Variants in TEC observed in about 807,000 individuals in gnomAD.
The protein encoded by TEC is tyrosine-protein kinase Tec.
Under a neutral mutation model 93.0 loss-of-function variants are expected in TEC, and 72 were observed. The observed-to-expected ratio is 0.77, with a 90% CI of 0.64 to 0.94. TEC has a LOEUF of 0.94. Among genes scored for constraint, TEC ranks in the 40% least tolerant of loss-of-function variants. TEC has a pLI of 0.00. For synonymous variants in TEC, 249 were observed against 247.7 expected, an observed-to-expected ratio of 1.01 and a Z score of -0.05; for missense variants, 630 against 757.9, an observed-to-expected ratio of 0.83 and a Z score of 1.98.
chr4:48,136,345 G>C lies in TEC; in HGVS notation c.*1071C>G, dbSNP rs1473132343. The stretch of plus-strand genomic sequence containing the variant: ...CCGGGAGGCACGGAACACCATGCTG[G>C]CTGCTTCTCTCCGTAGCTTCCTGGA... On this transcript the variant is annotated 3_prime_UTR_variant, in exon 18 of 18. Transcript: ENST00000381501. 1.3e-5 allele frequency: 2 copies of C among 152,188 alleles called. No homozygotes were observed. The highest frequency in any genetic ancestry group is 2.4e-5 in the African/African-American group (1 of 41,420). The allele number at this position is 152,188 out of a possible 1,614,324, so 9.4% of individuals were successfully genotyped here. A position where few individuals can be genotyped will look rare whatever the true frequency, so the allele number is the denominator to read the frequency against.
At chr4:48,170,476 A>G in intron 4 of TEC, 100 bp from the exon 5 acceptor site, 2 of 831,560 alleles carry the variant, frequency 2.4e-6, no homozygotes, top group Non-Finnish European at 3.6e-6. Context: ...CTTGGACACT[A>G]TGTTTACTAT....
chr4:48,220,615 G>A (rs918984646), intron 2 of TEC, among the ~76,000 whole-genome samples: 7 of 152,128 alleles, frequency 4.6e-5, no homozygotes, highest in African/African-American at 1.7e-4. Context: ...TGTACAGGCT[G>A]CAGAACAGTG....
rs145948041 is a variant in TEC, at chr4:48,219,903, C to T, written c.138+8574G>A. Among the ~76,000 whole-genome samples, 11 of 152,094 alleles carry T rather than the reference C, an allele frequency of 7.2e-5. No individual in the cohort carries two copies. The East Asian group carries it at 7.8e-4, about 11-fold the overall frequency. ...TATTACAATCTCTTGTCTCCACACA[C>T]GGGGAGAACACTCGCTAAGCCCCAT... is the stretch of plus-strand genomic sequence containing the variant. On this transcript the variant is annotated intron_variant, in intron 2 of 17. Transcript: ENST00000381501.
intron 2 of TEC, among the ~76,000 whole-genome samples, chr4:48,211,757 T>TCC (rs1722907409): frequency 1.3e-5 from 2 of 152,174 alleles, no homozygotes; most frequent in Non-Finnish European, 2.9e-5. Flanking sequence ...ACTTTAAAGT[T>TCC]CTTGAGCCTT....
At chr4:48,179,376 ATTTTTTTTT>A (rs1159156668) in intron 2 of TEC, among the ~76,000 whole-genome samples, 2 of 21,164 alleles carry the variant, frequency 9.5e-5, no homozygotes, top group Non-Finnish European at 1.7e-4. Context: ...ATATATATAT[ATTTTTTTTT>A]TTTTTTTTTT....
At chr4:48,232,512 T>G (rs542669529) in intron 1 of TEC, among the ~76,000 whole-genome samples, 2 of 152,302 alleles carry the variant, frequency 1.3e-5, no homozygotes, top group African/African-American at 4.8e-5. Flanking sequence ...TTCCCTATCC[T>G]TCTATCCCAT....
chr4:48,159,102 A>G (rs911658242), intron 8 of TEC, among the ~76,000 whole-genome samples: 1 of 151,928 alleles, frequency 6.6e-6, no homozygotes, highest in African/African-American at 2.4e-5. Context: ...AAAAAAGACA[A>G]CAAAGGCTCC....
intron 1 of TEC, among the ~76,000 whole-genome samples, chr4:48,237,157 C>T (rs1237645740): frequency 6.6e-6 from 1 of 151,936 alleles, no homozygotes; most frequent in Non-Finnish European, 1.5e-5. Flanking sequence ...ATGGCAAAAC[C>T]CTATCTCTAC....
intron 2 of TEC, among the ~76,000 whole-genome samples, chr4:48,206,369 T>C (rs948199537): frequency 1.7e-4 from 26 of 152,118 alleles, no homozygotes; most frequent in African/African-American, 5.8e-4. Flanking sequence ...AAAAGAGATA[T>C]TAAGAGAGTT....
At chr4:48,223,767 C>T (rs1194827465) in intron 2 of TEC, among the ~76,000 whole-genome samples, 2 of 152,208 alleles carry the variant, frequency 1.3e-5, no homozygotes, top group Non-Finnish European at 2.9e-5. Flanking sequence ...CTATTACCAA[C>T]ACTGATGAGG....
intron 16 of TEC, 32 bp from the exon 17 acceptor site, chr4:48,138,854 T>C (rs1200020958): frequency 5.0e-6 from 8 of 1,613,542 alleles, no homozygotes; most frequent in African/African-American, 1.3e-5. Flanking sequence ...CAAATGGATG[T>C]ATCCACTTTC....
intron 1 of TEC, among the ~76,000 whole-genome samples, chr4:48,256,243 G>A (rs191848072): frequency 1.3e-5 from 2 of 151,994 alleles, no homozygotes; most frequent in South Asian, 2.1e-4. Flanking sequence ...ACCAGAATGC[G>A]AGGAAGAGAC....
Position 48,171,387 on chromosome 4 carries a change from C to T in TEC, c.306G>A (p.Trp102Ter), listed in dbSNP as rs1721104907. The T allele has an allele frequency of 6.2e-7, 1 of 1,613,212 alleles. No homozygotes were observed. Among genetic ancestry groups the T allele is most frequent in the Admixed American group, 1.7e-5 (1 of 59,830 alleles). Reference protein sequence around the residue: ...FAPSPQSRDLWVKKLKEEIKN... With the variant: ...FAPSPQSRDL ...TTTTACCTTCTTTTAACTTCTTCAC[C>T]CACAGGTCCCTGCTTTGTGGACTAG... is the stretch of plus-strand genomic sequence containing the variant. The change falls in exon 4 of 18, where the codon TGG becomes TGA. Residue 102 changes from tryptophan to a stop codon, truncating the protein, a stop_gained. Transcript: ENST00000381501. LOFTEE classifies it high-confidence loss of function.
chr4:48,262,563 G>A (rs1577677701), intron 1 of TEC, among the ~76,000 whole-genome samples: 1 of 152,028 alleles, frequency 6.6e-6, no homozygotes, highest in Non-Finnish European at 1.5e-5. Flanking sequence ...AGTATATTAA[G>A]TACTTGCTTG....
At chr4:48,148,205 A>C (rs1369180800) in intron 11 of TEC, among the ~76,000 whole-genome samples, 1 of 152,164 alleles carries the variant, frequency 6.6e-6, no homozygotes, top group African/African-American at 2.4e-5. Context: ...TATACTAAAA[A>C]CCACTGAATT....
At chr4:48,149,777 G>T in intron 10 of TEC, 87 bp from the exon 11 acceptor site, 2 of 1,353,692 alleles carry the variant, frequency 1.5e-6, no homozygotes, top group Non-Finnish European at 2.0e-6. Flanking sequence ...CAACCACAGT[G>T]TCTCTCCATA....
intron 10 of TEC, 106 bp from the exon 11 acceptor site, chr4:48,149,796 TC>T: frequency 9.0e-7 from 1 of 1,110,048 alleles, no homozygotes; most frequent in Non-Finnish European, 1.2e-6. Context: ...TATGATCCCA[TC>T]TATTCCTGGC....
At position 48,167,817 on chromosome 4, in the gene TEC, T is replaced by C; in HGVS notation, c.632A>G (p.Lys211Arg). Reference sequence around the variant, plus strand: ...TGCTCTCCACCAATGAACATCATTCTTTTCTAAAATGAGATACTCTTGGCC... The same window carrying C: ...TGCTCTCCACCAATGAACATCATTCCTTTCTAAAATGAGATACTCTTGGCC... ...ERGQEYLILE[K>R]NDVHWWRARD... The change falls in exon 7 of 18, where the codon AAG becomes AGG. Residue 211 changes from lysine (K) to arginine (R), a missense_variant. Transcript: ENST00000381501. 1 of 1,613,896 alleles carries C rather than the reference T, an allele frequency of 6.2e-7. No individual in the cohort carries two copies. The highest frequency in any genetic ancestry group is 8.5e-7 in the Non-Finnish European group (1 of 1,179,850).
intron 1 of TEC, among the ~76,000 whole-genome samples, chr4:48,262,199 C>CTTTTTTTTT (rs1560428919): frequency 6.4e-5 from 1 of 15,688 alleles, no homozygotes. Context: ...GACCAAATGT[C>CTTTTTTTTT]TCTTTTTTTT....
Sources: allele counts gnomAD v4.1 joint callset (sites outside exome capture counted in the v4.1 genomes callset), GRCh38; gene constraint gnomAD v4.1.1; transcripts MANE v1.5; gene names NCBI Gene and HGNC (gene_info 2026-07-23, HGNC 2026-07-21).